The following ZEB2 variants were observed in gnomAD, a reference collection of about 807,000 sequenced individuals.
ZEB2 encodes zinc finger E-box-binding homeobox 2.
Under a neutral mutation model 99.9 loss-of-function variants are expected in ZEB2, and 6 were observed. The observed-to-expected ratio is 0.06, with a 90% CI of 0.03 to 0.12. The LOEUF is 0.12. ZEB2 is among the 10% of genes least tolerant of loss of function. The pLI is 1.00. For missense variants in ZEB2, 969 were observed against 1,502.8 expected, an observed-to-expected ratio of 0.64 and a Z score of 5.87; for synonymous variants, 517 against 542.5, an observed-to-expected ratio of 0.95 and a Z score of 0.65.
chr2:144,484,571 C>T (rs1285585426), intron 2 of ZEB2, among the ~76,000 whole-genome samples: 4 of 152,122 alleles, frequency 2.6e-5, no homozygotes, highest in Admixed American at 2.6e-4. Context: ...CCCACCCAAA[C>T]CTTTTCCTAT....
chr2:144,403,728 CA>C (rs1703344266), intron 6 of ZEB2, among the ~76,000 whole-genome samples, 187 bp downstream of exon 6: 1 of 152,090 alleles, frequency 6.6e-6, no homozygotes, highest in Non-Finnish European at 1.5e-5. Flanking sequence ...CGATCGTGAA[CA>C]TAAGACTATT....
chr2:144,479,592 A>G (rs1704478418), intron 2 of ZEB2, among the ~76,000 whole-genome samples: 1 of 141,422 alleles, frequency 7.1e-6, no homozygotes, highest in Non-Finnish European at 1.5e-5. Flanking sequence ...CTCCCAATTT[A>G]TGGCATGCTC....
intron 2 of ZEB2, chr2:144,445,205 C>G (rs948401488): frequency 3.3e-5 from 5 of 150,828 alleles, no homozygotes; most frequent in African/African-American, 1.2e-4. Context: ...AAATTTTGAT[C>G]TAAGAATGTA....
At chr2:144,487,255 T>C (rs1704611803) in intron 2 of ZEB2, among the ~76,000 whole-genome samples, 1 of 152,170 alleles carries the variant, frequency 6.6e-6, no homozygotes, top group African/African-American at 2.4e-5. Context: ...AAAGCCAGTG[T>C]TGTGATGGTA....
chr2:144,407,147 T>C (rs1369746759), intron 4 of ZEB2, among the ~76,000 whole-genome samples: 1 of 152,234 alleles, frequency 6.6e-6, no homozygotes, highest in African/African-American at 2.4e-5. Context: ...AATTACACTA[T>C]GTGGACCACT....
chr2:144,463,478 T>A (rs150846232), intron 2 of ZEB2: 1 of 152,260 alleles, frequency 6.6e-6, no homozygotes, highest in African/African-American at 2.4e-5. Flanking sequence ...TTTAAACACA[T>A]GGTGAAATAA....
At chr2:144,421,422 C>T (rs1703617170) in intron 4 of ZEB2, among the ~76,000 whole-genome samples, 1 of 152,140 alleles carries the variant, frequency 6.6e-6, no homozygotes, top group Admixed American at 6.6e-5. Context: ...AAAGAGATGT[C>T]AGGGAGAAGA....
chr2:144,397,195 A>T (rs576252215), intron 8 of ZEB2, among the ~76,000 whole-genome samples: 1 of 152,352 alleles, frequency 6.6e-6, no homozygotes, highest in East Asian at 1.9e-4. Context: ...TCAGTAAATT[A>T]TTAAATTTCT....
In ZEB2 at chr2:144,396,248, C is replaced by T. The variant is rs534004486; in HGVS notation, c.3067+164G>A. Among the ~76,000 whole-genome samples the T allele has an allele frequency of 2.0e-5, 3 of 152,250 alleles. No homozygotes were observed. In the South Asian group the frequency reaches 6.2e-4, roughly 32 times the overall value. On this transcript the variant is annotated intron_variant, in intron 9 of 9. Coordinates refer to ENST00000627532, the MANE Select transcript of ZEB2 (RefSeq NM_014795.4). Reference sequence around the variant, plus strand: ...ATAAAGACATGAATGATCCAATAAACAGGCAACAAAAAAGTCCTACTGAGC... The same window carrying T: ...ATAAAGACATGAATGATCCAATAAATAGGCAACAAAAAAGTCCTACTGAGC...
chr2:144,401,385 C>T (rs760989956), intron 6 of ZEB2, 78 bp from the exon 7 acceptor site: 53 of 1,435,274 alleles, frequency 3.7e-5, no homozygotes, highest in Non-Finnish European at 6.9e-6. Flanking sequence ...TTTAAAAGGC[C>T]TCTGTTTTTC....
intron 2 of ZEB2, among the ~76,000 whole-genome samples, chr2:144,446,782 A>G (rs921811545): frequency 6.6e-6 from 1 of 152,126 alleles, no homozygotes; most frequent in Non-Finnish European, 1.5e-5. Flanking sequence ...TGGGAGGCTG[A>G]GGCAGGCGGA....
Position 144,411,163 on chromosome 2 carries a change from A to C in ZEB2, c.404-6139T>G, listed in dbSNP as rs992318151. On this transcript the variant is annotated intron_variant, in intron 4 of 9. Transcript: ENST00000627532. ...ACACACACACACGCTTCCCCAGTGT[A>C]ATGTAATGTATATAACATAAATTAT... 5.3e-5 allele frequency among the ~76,000 whole-genome samples: 7 copies of C among 132,166 alleles called. No homozygotes were observed. In the Admixed American group the frequency reaches 5.3e-4, roughly 10 times the overall value. The allele number at this position is 132,166 out of a possible 152,430, so 86.7% of individuals were successfully genotyped here.
chr2:144,390,476 A>G (rs1262746007), intron 9 of ZEB2: 3 of 257,688 alleles, frequency 1.2e-5, no homozygotes, highest in Admixed American at 5.2e-5. Flanking sequence ...TCTGCTTGTT[A>G]TATCATGAGA....
At chr2:144,433,982 T>A (rs1394356130) in intron 2 of ZEB2, among the ~76,000 whole-genome samples, 1 of 152,180 alleles carries the variant, frequency 6.6e-6, no homozygotes, top group Non-Finnish European at 1.5e-5. Context: ...ATAGCAGAAC[T>A]GTTGTTTTGA....
chr2:144,393,130 A>T (rs1291525863), intron 9 of ZEB2, among the ~76,000 whole-genome samples: 1 of 152,190 alleles, frequency 6.6e-6, no homozygotes, highest in Non-Finnish European at 1.5e-5. Flanking sequence ...GCCTAACAGG[A>T]GTTTCAGAGT....
intron 9 of ZEB2, among the ~76,000 whole-genome samples, chr2:144,395,509 T>TC (rs1301537054): frequency 3.3e-5 from 5 of 151,646 alleles, no homozygotes; most frequent in East Asian, 1.9e-4. Flanking sequence ...CTACACTTTT[T>TC]CCCCCCCGAT....
chr2:144,452,848 G>T (rs1704073725), intron 2 of ZEB2, among the ~76,000 whole-genome samples: 1 of 152,114 alleles, frequency 6.6e-6, no homozygotes, highest in South Asian at 2.1e-4. Context: ...GGACAGGGGG[G>T]CTGGCTACAC....
intron 2 of ZEB2, chr2:144,464,291 T>A (rs1448852112): frequency 6.6e-6 from 1 of 152,216 alleles, no homozygotes; most frequent in African/African-American, 2.4e-5. Flanking sequence ...CTCTCCCTTT[T>A]AATGTTGCAC....
intron 2 of ZEB2, among the ~76,000 whole-genome samples, chr2:144,515,644 G>A (rs926849076): frequency 3.9e-5 from 6 of 151,934 alleles, no homozygotes; most frequent in Admixed American, 3.9e-4. Flanking sequence ...CAAGCAAATA[G>A]ATCAAAGACA....
Sources: allele counts gnomAD v4.1 joint callset (sites outside exome capture counted in the v4.1 genomes callset), GRCh38; gene constraint gnomAD v4.1.1; transcripts MANE v1.5; gene names NCBI Gene and HGNC (gene_info 2026-07-23, HGNC 2026-07-21).